Variants in SCMH1 observed in about 807,000 individuals in gnomAD.
The protein encoded by SCMH1 is polycomb protein SCMH1.
In SCMH1, 37 loss-of-function variants were observed where a neutral mutation model predicts 70.8. The observed-to-expected ratio is 0.52, with a 90% CI of 0.40 to 0.69. The LOEUF (loss-of-function observed/expected upper bound fraction) is 0.69. Among genes scored for constraint, SCMH1 ranks in the 30% least tolerant of loss-of-function variants. The probability of loss-of-function intolerance (pLI) is 0.00; values close to 1 mark genes in which losing one functional copy is unlikely to be tolerated. For synonymous variants in SCMH1, 292 were observed against 307.4 expected (o/e 0.95, Z 0.52); for missense variants, 607 against 827.3 (o/e 0.73, Z 3.27).
At chr1:41,080,970 T>C (rs563620125) in intron 8 of SCMH1, among the ~76,000 whole-genome samples, 1 of 152,244 alleles carries the variant, frequency 6.6e-6, no homozygotes, top group South Asian at 2.1e-4. Context: ...GGAAGAAGCA[T>C]TACTTGTACG....
At chr1:41,175,285 C>T (rs556687212) in intron 2 of SCMH1, among the ~76,000 whole-genome samples, 1 of 152,294 alleles carries the variant, frequency 6.6e-6, no homozygotes, top group African/African-American at 2.4e-5. Flanking sequence ...CATCCATCTT[C>T]TCCTGCCCTT....
chr1:41,202,411 G>A (rs970131429), intron 1 of SCMH1, among the ~76,000 whole-genome samples: 1 of 151,648 alleles, frequency 6.6e-6, no homozygotes, highest in East Asian at 1.9e-4. Context: ...TTTTGACCTA[G>A]TAATTCATCC....
At chr1:41,107,845 T>C (rs987861587) in intron 8 of SCMH1, among the ~76,000 whole-genome samples, 1 of 152,226 alleles carries the variant, frequency 6.6e-6, no homozygotes, top group Non-Finnish European at 1.5e-5. Flanking sequence ...TAACTCTTTC[T>C]GCCCTAGAAT....
At chr1:41,035,393 A>G (rs1416106339) in intron 13 of SCMH1, among the ~76,000 whole-genome samples, 3 of 152,208 alleles carry the variant, frequency 2.0e-5, no homozygotes, top group Non-Finnish European at 4.4e-5. Context: ...GAAGAAAACC[A>G]TAGCTTGTGC....
At chr1:41,035,085 A>G (rs908902939) in intron 13 of SCMH1, among the ~76,000 whole-genome samples, 2 of 152,058 alleles carry the variant, frequency 1.3e-5, no homozygotes, top group African/African-American at 2.4e-5. Flanking sequence ...TCTGACCCCA[A>G]CCTTCCATCT....
intron 13 of SCMH1, among the ~76,000 whole-genome samples, chr1:41,030,204 C>A (rs567630540): frequency 2.0e-5 from 3 of 152,216 alleles, no homozygotes; most frequent in Non-Finnish European, 2.9e-5. Flanking sequence ...CAGAGCGAGA[C>A]CCTGTCTCAA....
chr1:41,166,131 G>C (rs1646394771), intron 2 of SCMH1, among the ~76,000 whole-genome samples: 1 of 151,788 alleles, frequency 6.6e-6, no homozygotes, highest in South Asian at 2.1e-4. Flanking sequence ...GTGTGTTCCT[G>C]TCAAAAAGCA....
At chr1:41,088,910 G>A (rs1216565949) in intron 8 of SCMH1, among the ~76,000 whole-genome samples, 1 of 152,202 alleles carries the variant, frequency 6.6e-6, no homozygotes, top group Admixed American at 6.5e-5. Flanking sequence ...TGTAAATGAT[G>A]GGCATGTCCC....
At chr1:41,151,479 T>C (rs1645071268) in intron 5 of SCMH1, 135 bp downstream of exon 5, 2 of 562,656 alleles carry the variant, frequency 3.6e-6, no homozygotes, top group Non-Finnish European at 6.3e-6. Context: ...TCTTGAGCTG[T>C]GTTCTTCCCA....
chr1:41,061,504 A>G (rs1466422045), intron 10 of SCMH1, among the ~76,000 whole-genome samples: 4 of 152,218 alleles, frequency 2.6e-5, no homozygotes, highest in African/African-American at 7.2e-5. Context: ...TTACATAATA[A>G]GAGGCCAATT....
intron 10 of SCMH1, among the ~76,000 whole-genome samples, chr1:41,064,474 G>A (rs368435814): frequency 2.0e-5 from 3 of 152,186 alleles, no homozygotes; most frequent in Admixed American, 6.6e-5. Context: ...TGACATGATC[G>A]TCTATGCAGA....
intron 8 of SCMH1, among the ~76,000 whole-genome samples, chr1:41,090,300 A>G (rs553461570): frequency 7.9e-5 from 12 of 152,326 alleles, no homozygotes; most frequent in African/African-American, 2.6e-4. Flanking sequence ...TTCCAAAACA[A>G]TAAGTTTAGT....
chr1:41,169,187 G>T (rs954202777), intron 2 of SCMH1, among the ~76,000 whole-genome samples: 6 of 152,192 alleles, frequency 3.9e-5, no homozygotes, highest in Non-Finnish European at 8.8e-5. Context: ...CCCTTGGGTG[G>T]AAGTTATAGA....
intron 8 of SCMH1, among the ~76,000 whole-genome samples, chr1:41,096,956 AG>A (rs1202817624): frequency 6.6e-6 from 1 of 152,198 alleles, no homozygotes; most frequent in Admixed American, 6.5e-5. Flanking sequence ...AGAACATGCT[AG>A]TTTTTAATCA....
At chr1:41,091,240 T>C (rs1663397553) in intron 8 of SCMH1, among the ~76,000 whole-genome samples, 1 of 151,912 alleles carries the variant, frequency 6.6e-6, no homozygotes, top group Non-Finnish European at 1.5e-5. Context: ...CATACGCAAA[T>C]CAACAAACGT....
At chr1:41,115,541 G>A (rs1423552036) in intron 7 of SCMH1, among the ~76,000 whole-genome samples, 2 of 152,122 alleles carry the variant, frequency 1.3e-5, no homozygotes, top group East Asian at 1.9e-4. Context: ...GGGCTTAAGC[G>A]ATTCTTCCAC....
At chr1:41,078,648 A>G (rs1237860624) in intron 8 of SCMH1, among the ~76,000 whole-genome samples, 1 of 152,188 alleles carries the variant, frequency 6.6e-6, no homozygotes, top group Non-Finnish European at 1.5e-5. Context: ...TAAAGGGCTA[A>G]AAGAAACAGA....
chr1:41,186,350 G>T, intron 1 of SCMH1, 100 bp from the exon 2 acceptor site: 1 of 380,054 alleles, frequency 2.6e-6, no homozygotes, highest in Non-Finnish European at 4.9e-6. Context: ...TATAAGAAAA[G>T]TAGGAAATTT....
At chr1:41,241,671 C>A (rs905009678) in intron 1 of SCMH1, among the ~76,000 whole-genome samples, 1 of 152,022 alleles carries the variant, frequency 6.6e-6, no homozygotes, top group Non-Finnish European at 1.5e-5. Flanking sequence ...CTGCCCCGGC[C>A]CACCCGGCCC....
Sources: allele counts gnomAD v4.1 joint callset (sites outside exome capture counted in the v4.1 genomes callset), GRCh38; gene constraint gnomAD v4.1.1; transcripts MANE v1.5; gene names NCBI Gene and HGNC (gene_info 2026-07-23, HGNC 2026-07-21).